The following NHS variants were observed in gnomAD, a reference collection of about 807,000 sequenced individuals.
NHS encodes the protein actin remodeling regulator NHS.
NHS carries 5 observed loss-of-function variants against 72.5 expected under a neutral mutation model. That is an observed-to-expected ratio of 0.07 (90% CI 0.04 to 0.14). The LOEUF (loss-of-function observed/expected upper bound fraction) is 0.14, where lower values mean the gene tolerates loss of function less well. NHS is among the 10% of genes least tolerant of loss of function. NHS has a pLI of 1.00. For synonymous variants in NHS, 464 were observed against 547.7 expected (o/e 0.85, Z 2.13); for missense variants, 1,072 against 1,355.7 (o/e 0.79, Z 3.29).
chrX:17,527,512 C>A (rs778837665), intron 1 of NHS, among the ~76,000 whole-genome samples: 4 of 112,655 alleles, frequency 3.6e-5, no homozygotes, highest in Non-Finnish European at 7.5e-5. Context: ...TTTCCCCTTT[C>A]ATTTTGTGGT....
chrX:17,675,945 G>A (rs1328959560), intron 1 of NHS, among the ~76,000 whole-genome samples: 1 of 110,893 alleles, frequency 9.0e-6, no homozygotes, highest in East Asian at 2.8e-4. Flanking sequence ...GGTGGTATGT[G>A]GGGCCTTTTG....
intron 1 of NHS, among the ~76,000 whole-genome samples, chrX:17,436,227 A>G (rs2064721639): frequency 8.9e-6 from 1 of 111,768 alleles, no homozygotes; most frequent in Non-Finnish European, 1.9e-5. Context: ...GTCTCTCAGA[A>G]GGTTGTGACG....
At chrX:17,648,007 T>C (rs2065914035) in intron 1 of NHS, among the ~76,000 whole-genome samples, 1 of 111,581 alleles carries the variant, frequency 9.0e-6, no homozygotes, top group Non-Finnish European at 1.9e-5. Context: ...CTTTAGTTTA[T>C]GATCCTTGTG....
intron 1 of NHS, among the ~76,000 whole-genome samples, chrX:17,545,496 A>G (rs57763174): frequency 0.049 from 5,464 of 111,410 alleles, 303 homozygotes; most frequent in African/African-American, 0.16. Flanking sequence ...GGTGTACATC[A>G]CATTGGCCAG....
chrX:17,658,905 A>G (rs1442126282), intron 1 of NHS, among the ~76,000 whole-genome samples: 1 of 112,327 alleles, frequency 8.9e-6, no homozygotes, highest in Non-Finnish European at 1.9e-5. Flanking sequence ...CAGTGAGCAT[A>G]TTGGTCAGGG....
intron 1 of NHS, among the ~76,000 whole-genome samples, chrX:17,516,569 GCGCACACA>G (rs1405156361): frequency 4.7e-5 from 4 of 84,481 alleles, no homozygotes; most frequent in African/African-American, 9.7e-5. Context: ...ACACACACAC[GCGCACACA>G]CACACACACA....
intron 1 of NHS, among the ~76,000 whole-genome samples, chrX:17,670,886 G>A (rs191900882): frequency 8.9e-6 from 1 of 112,452 alleles, no homozygotes; most frequent in East Asian, 2.8e-4. Flanking sequence ...TTGAGGTTAT[G>A]GAGTAGCCCG....
At chrX:17,679,949 A>C (rs773954137) in intron 1 of NHS, among the ~76,000 whole-genome samples, 8 of 111,090 alleles carry the variant, frequency 7.2e-5, no homozygotes, top group African/African-American at 2.6e-4. Flanking sequence ...TAAGTCTCAA[A>C]GTGGCTTATA....
chrX:17,382,712 C>G (rs2064383903), intron 1 of NHS, among the ~76,000 whole-genome samples: 1 of 112,446 alleles, frequency 8.9e-6, no homozygotes, highest in Admixed American at 9.4e-5. Flanking sequence ...CCTCCCCCAC[C>G]TATGACTTTT....
chrX:17,696,739 G>A (rs763647575), intron 3 of NHS, among the ~76,000 whole-genome samples: 151 of 111,504 alleles, frequency 1.4e-3, no homozygotes, highest in African/African-American at 4.8e-3. Flanking sequence ...CTATAATGGT[G>A]ATACCCTAGG....
intron 1 of NHS, among the ~76,000 whole-genome samples, chrX:17,437,156 G>A (rs766183778): frequency 4.5e-5 from 5 of 111,381 alleles, no homozygotes; most frequent in Admixed American, 1.9e-4. Flanking sequence ...GAGAGGATTC[G>A]TTGCACTTTG....
At chrX:17,452,256 G>C (rs2064808521) in intron 1 of NHS, among the ~76,000 whole-genome samples, 1 of 111,811 alleles carries the variant, frequency 8.9e-6, no homozygotes, top group African/African-American at 3.3e-5. Context: ...TCTCAAAAGA[G>C]GGGAAGGAAA....
intron 1 of NHS, among the ~76,000 whole-genome samples, chrX:17,544,788 C>G (rs1219190560): frequency 1.8e-5 from 2 of 112,662 alleles, no homozygotes; most frequent in South Asian, 7.3e-4. Flanking sequence ...GCTGGGATTA[C>G]AGGCATGAGC....
chrX:17,695,463 T>A lies in NHS; in HGVS notation c.852+2995T>A, dbSNP rs191699062. ...TATTATCAGGGATTTTTACATAGTT[T>A]ATAAATTTGTGTATAGTATAATCTC... On this transcript the variant is annotated intron_variant, in intron 3 of 8. Transcript: ENST00000676302. Among the ~76,000 whole-genome samples the A allele has an allele frequency of 3.7e-4, 41 of 112,140 alleles. 2 individuals are homozygous for A. Among genetic ancestry groups the A allele is most frequent in the Admixed American group, 3.1e-3 (33 of 10,565 alleles).
At chrX:17,413,258 C>T (rs866306957) in intron 1 of NHS, among the ~76,000 whole-genome samples, 2 of 111,923 alleles carry the variant, frequency 1.8e-5, no homozygotes, top group Non-Finnish European at 3.8e-5. Flanking sequence ...ATAAATAGTC[C>T]GATTCTCTGT....
intron 1 of NHS, among the ~76,000 whole-genome samples, chrX:17,683,795 C>T (rs1389518920): frequency 8.9e-6 from 1 of 111,871 alleles, no homozygotes; most frequent in East Asian, 2.8e-4. Context: ...TCATTATCTT[C>T]CCCTTTCTTG....
At chrX:17,483,755 C>T (rs1423723791) in intron 1 of NHS, among the ~76,000 whole-genome samples, 1 of 110,619 alleles carries the variant, frequency 9.0e-6, no homozygotes, top group Non-Finnish European at 1.9e-5. Context: ...GTTTTCCCTC[C>T]CACACCTTGC....
At chrX:17,639,902 A>G (rs970523188) in intron 1 of NHS, among the ~76,000 whole-genome samples, 1 of 112,372 alleles carries the variant, frequency 8.9e-6, no homozygotes, top group Non-Finnish European at 1.9e-5. Context: ...GTGGCATGGG[A>G]AGCCAAGTGA....
At chrX:17,654,017 C>G (rs2065941922) in intron 1 of NHS, among the ~76,000 whole-genome samples, 1 of 111,236 alleles carries the variant, frequency 9.0e-6, no homozygotes, top group African/African-American at 3.3e-5. Flanking sequence ...CTTCACATCT[C>G]CCATCAGTAG....
Sources: allele counts gnomAD v4.1 joint callset (sites outside exome capture counted in the v4.1 genomes callset), GRCh38; gene constraint gnomAD v4.1.1; transcripts MANE v1.5; gene names NCBI Gene and HGNC (gene_info 2026-07-23, HGNC 2026-07-21).